CHSY3: variants seen among roughly 807,000 people sequenced by gnomAD.
CHSY3 encodes the protein N-acetylgalactosaminyl-proteoglycan 3-beta-glucuronosyltransferase 3.
In CHSY3, 35 loss-of-function variants were observed where a neutral mutation model predicts 67.2. The ratio of observed to expected loss-of-function variants is 0.52; its 90% CI spans 0.40 to 0.69. The LOEUF is 0.69. Ranked by LOEUF, CHSY3 falls within the 30% of genes least tolerant of loss-of-function variation. The pLI is 0.00. For synonymous variants in CHSY3, 474 were observed against 434.7 expected, an observed-to-expected ratio of 1.09 and a Z score of -1.12; for missense variants, 1,069 against 1,138.5, an observed-to-expected ratio of 0.94 and a Z score of 0.88.
At chr5:129,904,209 G>T (rs141453573), upstream of CHSY3, among the ~76,000 whole-genome samples, 1,804 of 152,010 alleles carry the variant, frequency 0.012, 15 homozygotes, top group African/African-American at 0.015. Flanking sequence ...GGGCGTCGGC[G>T]CTGCAAGCCG....
At chr5:129,939,983 ATATAT>A (rs1349146564) in intron 2 of CHSY3, among the ~76,000 whole-genome samples, 5 of 152,170 alleles carry the variant, frequency 3.3e-5, no homozygotes, top group African/African-American at 9.6e-5. Context: ...TATGATTTCC[ATATAT>A]TATATTAGAT....
At chr5:130,064,153 G>T (rs1035947373) in intron 2 of CHSY3, among the ~76,000 whole-genome samples, 4 of 152,094 alleles carry the variant, frequency 2.6e-5, no homozygotes, top group African/African-American at 9.7e-5. Flanking sequence ...TTGGGCTGGA[G>T]ACAATCTTAT....
chr5:130,020,770 G>T, intron 2 of CHSY3, among the ~76,000 whole-genome samples: 1 of 152,166 alleles, frequency 6.6e-6, no homozygotes, highest in South Asian at 2.1e-4. Flanking sequence ...AAGTGTGTAT[G>T]TAATTCCTCT....
rs890910139 is a variant in CHSY3 at position 130,184,439 on chromosome 5, A to C, written c.1297A>C (p.Lys433Gln). The C allele has an allele frequency of 6.2e-7, 1 of 1,613,524 alleles. No individual in the cohort carries two copies. The highest frequency in any genetic ancestry group is 8.5e-7 in the Non-Finnish European group (1 of 1,179,430). Residue 433 changes from lysine to glutamine, a missense_variant, in exon 3 of 3, where the codon AAG becomes CAG. By Grantham distance (53) the Lys-to-Gln change is moderately conservative (BLOSUM62 1). Around this residue, in one of 5 missense-constraint regions of CHSY3, gnomAD observed 401 missense variants for 395.2 expected, o/e 1.01. Coordinates refer to ENST00000305031, the MANE Select transcript of CHSY3 (RefSeq NM_175856.5). The part of the protein sequence containing the change: ...QLHRESALMS[K>Q]LSNTEVSKED... ...CCACAGGGAAAGTGCCCTGATGAGC[A>C]AGCTCAGTAACACAGAAGTGAGCAA...
At chr5:129,904,205 C>A (rs1042929187), upstream of CHSY3, among the ~76,000 whole-genome samples, 1 of 149,636 alleles carries the variant, frequency 6.7e-6, no homozygotes, top group African/African-American at 2.5e-5. Flanking sequence ...GAGGGGGCGT[C>A]GGCGCTGCAA....
At chr5:130,090,863 T>G (rs562942820) in intron 2 of CHSY3, among the ~76,000 whole-genome samples, 28 of 152,284 alleles carry the variant, frequency 1.8e-4, no homozygotes, top group African/African-American at 6.3e-4. Context: ...TGTAAATCTT[T>G]TTTGAGAAGA....
intron 2 of CHSY3, among the ~76,000 whole-genome samples, chr5:129,941,980 G>A (rs945467950): frequency 6.6e-6 from 1 of 152,190 alleles, no homozygotes; most frequent in Non-Finnish European, 1.5e-5. Flanking sequence ...AAAGGATACA[G>A]ATAAAGAGAT....
Position 129,905,025 on chromosome 5 carries a change from C to A in CHSY3, c.196C>A (p.Pro66Thr). ...CGGCGCTCAGCAGCCGCTCCCCCAG[C>A]CCCAGTCCCGACCACGGCAGGAGCA... ...RAGAQQPLPQPQSRPRQEQSP... is the reference protein window; with the variant it reads ...RAGAQQPLPQTQSRPRQEQSP... The change falls in exon 1 of 3, where the codon CCC (proline) becomes ACC (threonine). Residue 66 changes from proline (P) to threonine (T), a missense_variant. Transcript: ENST00000305031. 1 of 1,562,716 alleles carries A rather than the reference C, an allele frequency of 6.4e-7. No individual in the cohort carries two copies. The highest frequency in any genetic ancestry group is 8.6e-7 in the Non-Finnish European group (1 of 1,160,930).
chr5:130,001,113 C>G (rs983384241), intron 2 of CHSY3, among the ~76,000 whole-genome samples: 2 of 151,110 alleles, frequency 1.3e-5, no homozygotes, highest in East Asian at 3.9e-4. Context: ...ATCTCTTGAC[C>G]TCCTGATCTG....
chr5:130,071,302 C>G (rs1766055414), intron 2 of CHSY3, among the ~76,000 whole-genome samples: 1 of 151,980 alleles, frequency 6.6e-6, no homozygotes, highest in Admixed American at 6.6e-5. Flanking sequence ...GTTGCCTGGA[C>G]TTTTACGTTT....
rs183254948 is a variant in CHSY3, at chr5:130,145,179, A to G, written c.1087-39050A>G. On this transcript the variant is annotated intron_variant, in intron 2 of 2. Transcript: ENST00000305031. The stretch of plus-strand genomic sequence containing the variant: ...CCAACACTGGGGATTACAACTGAAC[A>G]TGAGATTTGGGTGGAGACACATATC... Among the ~76,000 whole-genome samples the G allele has an allele frequency of 6.7e-4, 102 of 152,292 alleles. No homozygotes were observed. In the East Asian group the frequency reaches 9.6e-3, roughly 14 times the overall value.
intron 2 of CHSY3, among the ~76,000 whole-genome samples, chr5:129,920,006 A>G (rs1422626234): frequency 1.3e-5 from 2 of 152,180 alleles, no homozygotes; most frequent in African/African-American, 4.8e-5. Flanking sequence ...GTATTCAATT[A>G]TTAACCATGT....
Position 129,918,818 on chromosome 5 carries a change from A to AC in CHSY3, c.1086+10458_1086+10459insC, listed in dbSNP as rs1760817385. ...TCAGTGATTCTCTTTTAAAAAAAAA[A>AC]AAAAATTGGCCGGGCGCGGTGGCTC... On this transcript the variant is annotated intron_variant, in intron 2 of 2. Coordinates refer to ENST00000305031, the MANE Select transcript of CHSY3 (RefSeq NM_175856.5). 2.0e-5 allele frequency among the ~76,000 whole-genome samples: 3 copies of AC among 151,414 alleles called. No homozygotes were observed. The South Asian group carries it at 6.3e-4, about 32-fold the overall frequency.
At chr5:129,905,904 A>C in intron 1 of CHSY3, 5 of 649,974 alleles carry the variant, frequency 7.7e-6, no homozygotes, top group Non-Finnish European at 1.2e-5. Flanking sequence ...CTTGTCCCTT[A>C]GTCTTTACCT....
intron 2 of CHSY3, among the ~76,000 whole-genome samples, chr5:130,083,709 C>T (rs755728391): frequency 1.1e-4 from 16 of 151,988 alleles, no homozygotes; most frequent in Non-Finnish European, 2.2e-4. Flanking sequence ...GTACATTATA[C>T]TTCAGTGAAT....
In CHSY3 at chr5:129,912,841, C is replaced by T. The variant is rs563916867; in HGVS notation, c.1086+4481C>T. ...TCATTGGAGAGTCTAAATTGAGATTCTCCCTTTCCCACTTAGGATTGAGGC... is the reference window on the plus strand; with the variant it reads ...TCATTGGAGAGTCTAAATTGAGATTTTCCCTTTCCCACTTAGGATTGAGGC... On this transcript the variant is annotated intron_variant, in intron 2 of 2. Coordinates refer to ENST00000305031, the MANE Select transcript of CHSY3 (RefSeq NM_175856.5). Among the ~76,000 whole-genome samples the T allele has an allele frequency of 1.1e-3, 170 of 152,266 alleles. 2 individuals carry two copies. Among genetic ancestry groups the T allele is most frequent in the Middle Eastern group, 3.4e-3 (1 of 292 alleles).
intron 2 of CHSY3, among the ~76,000 whole-genome samples, chr5:129,931,461 A>C (rs1761305464): frequency 6.6e-6 from 1 of 152,194 alleles, no homozygotes; most frequent in Non-Finnish European, 1.5e-5. Flanking sequence ...TGAATGCTAT[A>C]GATATTTGAT....
intron 2 of CHSY3, among the ~76,000 whole-genome samples, chr5:129,989,699 C>G (rs958428787): frequency 9.2e-5 from 14 of 152,166 alleles, no homozygotes; most frequent in African/African-American, 2.7e-4. Context: ...CATCTGCTAA[C>G]TTTCTGATGT....
intron 2 of CHSY3, among the ~76,000 whole-genome samples, chr5:130,003,905 G>A (rs75173196): frequency 0.021 from 3,264 of 152,170 alleles, 105 homozygotes; most frequent in African/African-American, 0.072. Flanking sequence ...ATGAATCAGC[G>A]TTTATCATGT....
Sources: gnomAD v4.1 joint callset for allele counts (sites outside exome capture counted in the v4.1 genomes callset) on GRCh38, gnomAD v4.1.1 for gene constraint, gnomAD v4.1.1 regional missense constraint, MANE v1.5 for transcripts, NCBI Gene and HGNC (gene_info 2026-07-23, HGNC 2026-07-21) for gene names.